Variants in LUZP2 observed in about 807,000 individuals in gnomAD.
LUZP2 encodes leucine zipper protein 2.
A neutral mutation model predicts 51.6 loss-of-function variants in LUZP2; 52 were observed. The observed-to-expected ratio is 1.01, with a 90% CI of 0.81 to 1.27. The LOEUF is 1.27. Ranked by LOEUF, LUZP2 falls within the 50% of genes most tolerant of loss-of-function variation. LUZP2 has a pLI of 0.00. For missense variants in LUZP2, 436 were observed against 395.4 expected (o/e 1.10, Z -0.87); for synonymous variants, 154 against 137.3 (o/e 1.12, Z -0.85).
intron 5 of LUZP2, among the ~76,000 whole-genome samples, chr11:24,771,710 G>C (rs556633320): frequency 6.6e-6 from 1 of 151,982 alleles, no homozygotes; most frequent in Non-Finnish European, 1.5e-5. Flanking sequence ...TAATCCCCAC[G>C]TGTCAAAGGG....
chr11:25,026,984 T>C (rs1857512226), intron 9 of LUZP2, among the ~76,000 whole-genome samples: 1 of 151,912 alleles, frequency 6.6e-6, no homozygotes, highest in South Asian at 2.1e-4. Context: ...TAATTAAACA[T>C]TTGCCTGTGT....
intron 7 of LUZP2, among the ~76,000 whole-genome samples, chr11:24,926,097 C>T (rs1854219461): frequency 1.3e-5 from 2 of 151,312 alleles, no homozygotes; most frequent in Admixed American, 1.3e-4. Context: ...GATGAGTATC[C>T]CATGGTGTGT....
chr11:25,033,082 G>A (rs1179958578), intron 9 of LUZP2, among the ~76,000 whole-genome samples: 2 of 152,090 alleles, frequency 1.3e-5, no homozygotes, highest in Non-Finnish European at 1.5e-5. Flanking sequence ...AAAACGCCGG[G>A]AACATTTGAG....
At chr11:24,969,183 T>C (rs1855676469) in intron 7 of LUZP2, among the ~76,000 whole-genome samples, 2 of 152,130 alleles carry the variant, frequency 1.3e-5, no homozygotes, top group Non-Finnish European at 2.9e-5. Context: ...TCAAGTAGAC[T>C]CTAGTGTCTG....
chr11:24,837,514 T>C (rs1481747809), intron 5 of LUZP2, among the ~76,000 whole-genome samples: 4 of 151,768 alleles, frequency 2.6e-5, no homozygotes, highest in Non-Finnish European at 5.9e-5. Context: ...AGATGAAATG[T>C]ATCAGAATGA....
intron 1 of LUZP2, among the ~76,000 whole-genome samples, chr11:24,511,012 A>T (rs1389349227): frequency 6.6e-6 from 1 of 151,736 alleles, no homozygotes; most frequent in African/African-American, 2.4e-5. Flanking sequence ...TTTTATGAAT[A>T]CTCCCCATTT....
intron 9 of LUZP2, among the ~76,000 whole-genome samples, chr11:25,048,232 A>G (rs1043292205): frequency 1.3e-5 from 2 of 152,140 alleles, no homozygotes; most frequent in Admixed American, 6.5e-5. Flanking sequence ...CAAGCCAACA[A>G]CTAAGTCTCA....
rs1859423049 is a variant in LUZP2, at chr11:25,080,084, A to T, written c.*1426A>T. Reference sequence around the variant, plus strand: ...ATTTATGTAGCACTTCTATTTTCAGAATAGTTCAGTGTCATTCATTAGCAC... The same window carrying T: ...ATTTATGTAGCACTTCTATTTTCAGTATAGTTCAGTGTCATTCATTAGCAC... On this transcript the variant is annotated 3_prime_UTR_variant, in exon 12 of 12. Transcript: ENST00000336930. The T allele has an allele frequency of 6.6e-6, 1 of 152,200 alleles. No individual in the cohort carries two copies. Among genetic ancestry groups the T allele is most frequent in the Non-Finnish European group, 1.5e-5 (1 of 68,034 alleles). The allele number at this position is 152,200 out of a possible 1,614,324, so 9.4% of individuals were successfully genotyped here. A position where few individuals can be genotyped will look rare whatever the true frequency, so the allele number is the denominator to read the frequency against.
chr11:24,532,766 G>T (rs979443984), intron 1 of LUZP2, among the ~76,000 whole-genome samples: 1 of 150,944 alleles, frequency 6.6e-6, no homozygotes. Context: ...CTCTGTTCTA[G>T]AAGTTAAAAT....
At chr11:24,921,200 A>G (rs564208354) in intron 7 of LUZP2, among the ~76,000 whole-genome samples, 2 of 152,226 alleles carry the variant, frequency 1.3e-5, no homozygotes, top group Admixed American at 6.5e-5. Flanking sequence ...TCCCCCATAC[A>G]GAGACAGAGG....
At position 25,080,019 on chromosome 11, in the gene LUZP2, T is replaced by C. The variant is rs1237572206; in HGVS notation, c.*1361T>C. On this transcript the variant is annotated 3_prime_UTR_variant, in exon 12 of 12. Transcript: ENST00000336930. The stretch of plus-strand genomic sequence containing the variant: ...TAAAGAAATTTAAAGATTTGGAGAA[T>C]TGGAAAATATCGTTAGCTGTAAAAG... The C allele has an allele frequency of 2.0e-5, 3 of 152,164 alleles. No homozygotes were observed. The highest frequency in any genetic ancestry group is 4.8e-5 in the African/African-American group (2 of 41,456). The allele number at this position is 152,164 out of a possible 1,614,324, so 9.4% of individuals were successfully genotyped here.
At chr11:24,795,818 T>C (rs974871692) in intron 5 of LUZP2, among the ~76,000 whole-genome samples, 3 of 152,084 alleles carry the variant, frequency 2.0e-5, no homozygotes, top group Non-Finnish European at 2.9e-5. Context: ...TCCAAGTACT[T>C]CAGTGTTATG....
chr11:24,510,056 C>A (rs1043619881), intron 1 of LUZP2, among the ~76,000 whole-genome samples: 3 of 152,080 alleles, frequency 2.0e-5, no homozygotes, highest in Non-Finnish European at 4.4e-5. Flanking sequence ...TTCATAATAA[C>A]CTCATTTTAT....
intron 9 of LUZP2, among the ~76,000 whole-genome samples, chr11:25,002,593 T>C (rs1856716720): frequency 6.6e-6 from 1 of 152,188 alleles, no homozygotes; most frequent in South Asian, 2.1e-4. Flanking sequence ...TGGTAGCCTC[T>C]GACACTAAGA....
intron 1 of LUZP2, among the ~76,000 whole-genome samples, chr11:24,640,788 G>T (rs189870386): frequency 1.1e-4 from 17 of 151,726 alleles, no homozygotes; most frequent in Admixed American, 2.0e-4. Flanking sequence ...ATAGCACATT[G>T]TGAATTTTAC....
In LUZP2 at chr11:24,659,653, C is replaced by A. The variant is rs575426364; in HGVS notation, c.63-69516C>A. On this transcript the variant is annotated intron_variant, in intron 1 of 11. Transcript: ENST00000336930. ...AGCCCGTTCAAGCCTATGGAACTCA[C>A]AATATATTTTTAAATACATAAAATA... Among the ~76,000 whole-genome samples, 6 of 151,308 alleles carry A rather than the reference C, an allele frequency of 4.0e-5. No homozygotes were observed. In the East Asian group the frequency reaches 9.7e-4, roughly 24 times the overall value.
intron 5 of LUZP2, among the ~76,000 whole-genome samples, chr11:24,776,403 G>C (rs1479873514): frequency 6.6e-6 from 1 of 152,106 alleles, no homozygotes; most frequent in Admixed American, 6.6e-5. Flanking sequence ...TCACATTTCT[G>C]CTCTTATGTT....
chr11:24,883,640 A>G (rs750917233), intron 5 of LUZP2, among the ~76,000 whole-genome samples: 22 of 152,074 alleles, frequency 1.4e-4, no homozygotes, highest in Non-Finnish European at 5.9e-5. Flanking sequence ...TTCATAAACA[A>G]TAAGTTAGGT....
At chr11:24,697,153 A>C (rs1458695481) in intron 1 of LUZP2, among the ~76,000 whole-genome samples, 1 of 152,170 alleles carries the variant, frequency 6.6e-6, no homozygotes. Flanking sequence ...ACAAACTAAC[A>C]AAAGGAAACA....
Sources: allele counts gnomAD v4.1 joint callset (sites outside exome capture counted in the v4.1 genomes callset), GRCh38; gene constraint gnomAD v4.1.1; transcripts MANE v1.5; gene names NCBI Gene and HGNC (gene_info 2026-07-23, HGNC 2026-07-21).